TENM3: variants seen among roughly 807,000 people sequenced by gnomAD.
The protein encoded by TENM3 is teneurin-3.
Under a neutral mutation model 255.1 loss-of-function variants are expected in TENM3, and 63 were observed. The ratio of observed to expected loss-of-function variants is 0.25; its 90% CI spans 0.20 to 0.30. The LOEUF (loss-of-function observed/expected upper bound fraction) is 0.30, where lower values mean the gene tolerates loss of function less well. Among genes scored for constraint, TENM3 ranks in the 10% least tolerant of loss-of-function variants. The pLI is 1.00. For synonymous variants in TENM3, 1,306 were observed against 1,322.3 expected, an observed-to-expected ratio of 0.99 and a Z score of 0.27; for missense variants, 2,929 against 3,461.1, an observed-to-expected ratio of 0.85 and a Z score of 3.86.
the TENM3 span, among the ~76,000 whole-genome samples, chr4:181,590,312 G>A: frequency 4.6e-5 from 7 of 152,138 alleles, no homozygotes; most frequent in Non-Finnish European, 7.4e-5. Context: ...CAAGAAGCTC[G>A]AAGGAAATTT....
At chr4:182,710,115 G>T (rs1758643025) in intron 12 of TENM3, among the ~76,000 whole-genome samples, 1 of 152,136 alleles carries the variant, frequency 6.6e-6, no homozygotes, top group Non-Finnish European at 1.5e-5. Context: ...ATTTATTTTG[G>T]TTGTGCAGGC....
chr4:182,157,730 T>C (rs1750806664), intron 1 of TENM3, among the ~76,000 whole-genome samples: 2 of 152,130 alleles, frequency 1.3e-5, no homozygotes, highest in Admixed American at 6.5e-5. Flanking sequence ...CTGGAGACTA[T>C]AGATCTCTGG....
the TENM3 span, among the ~76,000 whole-genome samples, chr4:181,730,421 T>C: frequency 6.6e-6 from 1 of 152,292 alleles, no homozygotes; most frequent in Admixed American, 6.5e-5. Flanking sequence ...TTAGGGAGTT[T>C]AGTCGTAGGA....
At chr4:182,255,233 C>A (rs1157804827) in intron 1 of TENM3, among the ~76,000 whole-genome samples, 1 of 152,048 alleles carries the variant, frequency 6.6e-6, no homozygotes, top group Non-Finnish European at 1.5e-5. Flanking sequence ...TCGGAGAAGC[C>A]TTCTAACACA....
At chr4:182,510,421 T>C (rs775981887) in intron 3 of TENM3, among the ~76,000 whole-genome samples, 7 of 152,336 alleles carry the variant, frequency 4.6e-5, no homozygotes, top group East Asian at 3.9e-4. Context: ...ATGTCCCACT[T>C]GCCTAAAAGA....
chr4:182,261,011 G>C (rs550321857), intron 1 of TENM3, among the ~76,000 whole-genome samples: 2 of 152,174 alleles, frequency 1.3e-5, no homozygotes, highest in East Asian at 3.9e-4. Context: ...GAGTAGCTGG[G>C]ACTACAGGTG....
At chr4:182,469,597 C>T (rs1467181151) in intron 3 of TENM3, among the ~76,000 whole-genome samples, 1 of 151,930 alleles carries the variant, frequency 6.6e-6, no homozygotes, top group Non-Finnish European at 1.5e-5. Flanking sequence ...ACCTGTAGTC[C>T]CAGGTACTCA....
chr4:181,719,284 G>A, the TENM3 span, among the ~76,000 whole-genome samples: 1 of 151,938 alleles, frequency 6.6e-6, no homozygotes, highest in Non-Finnish European at 1.5e-5. Flanking sequence ...TCAGGCATCA[G>A]GATTCTCCTT....
At chr4:181,760,001 C>A in the TENM3 span, among the ~76,000 whole-genome samples, 4 of 152,152 alleles carry the variant, frequency 2.6e-5, no homozygotes, top group Admixed American at 2.6e-4. Flanking sequence ...GGCCTATGGT[C>A]TTAAGACTCA....
At chr4:182,457,747 A>C (rs1317484943) in intron 3 of TENM3, among the ~76,000 whole-genome samples, 1 of 151,964 alleles carries the variant, frequency 6.6e-6, no homozygotes, top group Non-Finnish European at 1.5e-5. Context: ...TGTTTTGTAG[A>C]AAAAGGGTCC....
the TENM3 span, among the ~76,000 whole-genome samples, chr4:181,857,566 A>AC: frequency 1.3e-3 from 148 of 117,676 alleles, no homozygotes; most frequent in South Asian, 5.9e-3. Context: ...AAAAAAAAAA[A>AC]AAAAAAAAAC....
At chr4:182,545,291 T>C (rs909227812) in intron 3 of TENM3, among the ~76,000 whole-genome samples, 5 of 152,168 alleles carry the variant, frequency 3.3e-5, no homozygotes, top group Non-Finnish European at 5.9e-5. Flanking sequence ...CATTAATAGA[T>C]GTATATTTTT....
the TENM3 span, among the ~76,000 whole-genome samples, chr4:181,942,934 T>TA: frequency 6.6e-6 from 1 of 152,210 alleles, no homozygotes. Flanking sequence ...TTCATACCTT[T>TA]GATAATAGGT....
chr4:181,536,118 C>G, the TENM3 span, among the ~76,000 whole-genome samples: 1 of 152,190 alleles, frequency 6.6e-6, no homozygotes, highest in Admixed American at 6.5e-5. Context: ...ATCCCATATG[C>G]TTAGCACAAC....
chr4:182,335,713 C>A (rs929588866), intron 2 of TENM3, among the ~76,000 whole-genome samples: 1 of 151,762 alleles, frequency 6.6e-6, no homozygotes, highest in African/African-American at 2.4e-5. Flanking sequence ...AATTTAAAAC[C>A]TTTTACATGT....
chr4:182,155,217 A>G (rs2094749764), intron 1 of TENM3, among the ~76,000 whole-genome samples: 1 of 152,268 alleles, frequency 6.6e-6, no homozygotes, highest in Admixed American at 6.5e-5. Context: ...TCCTTAATAA[A>G]TGGGCTCTTA....
chr4:182,420,335 C>T (rs1038248478), intron 3 of TENM3, among the ~76,000 whole-genome samples: 5 of 152,184 alleles, frequency 3.3e-5, no homozygotes, highest in South Asian at 2.1e-4. Context: ...GTTTCAGCTA[C>T]TGTCACTCTG....
At chr4:181,816,783 T>G in the TENM3 span, among the ~76,000 whole-genome samples, 1 of 152,202 alleles carries the variant, frequency 6.6e-6, no homozygotes, top group Non-Finnish European at 1.5e-5. Flanking sequence ...TTTTGAAACT[T>G]GAATCACTTT....
At chr4:181,758,923 A>G in the TENM3 span, among the ~76,000 whole-genome samples, 2 of 152,206 alleles carry the variant, frequency 1.3e-5, no homozygotes, top group Non-Finnish European at 2.9e-5. Context: ...ATTTTAGGGA[A>G]CACATTTAAA....
Sources: gnomAD v4.1 joint callset for allele counts (sites outside exome capture counted in the v4.1 genomes callset) on GRCh38, gnomAD v4.1.1 for gene constraint, MANE v1.5 for transcripts, NCBI Gene and HGNC (gene_info 2026-07-23, HGNC 2026-07-21) for gene names.